The following GABRG2 variants were observed in gnomAD, a reference collection of about 807,000 sequenced individuals.
The protein encoded by GABRG2 is gamma-aminobutyric acid receptor subunit gamma-2.
Under a neutral mutation model 56.4 loss-of-function variants are expected in GABRG2, and 16 were observed. The ratio of observed to expected loss-of-function variants is 0.28; its 90% CI spans 0.19 to 0.43. The LOEUF (loss-of-function observed/expected upper bound fraction) is 0.43, where lower values mean the gene tolerates loss of function less well. Ranked by LOEUF, GABRG2 falls within the 20% of genes least tolerant of loss-of-function variation. GABRG2 has a pLI of 1.00. For missense variants in GABRG2, 327 were observed against 582.7 expected (o/e 0.56, Z 4.52); for synonymous variants, 208 against 205.5 (o/e 1.01, Z -0.10).
intron 1 of GABRG2, among the ~76,000 whole-genome samples, chr5:162,093,561 C>T (rs1760772771): frequency 6.6e-6 from 1 of 152,098 alleles, no homozygotes; most frequent in South Asian, 2.1e-4. Context: ...GCAGAAAGAA[C>T]ATCAAATATG....
At chr5:162,145,725 C>T (rs1376253477) in intron 7 of GABRG2, among the ~76,000 whole-genome samples, 1 of 152,156 alleles carries the variant, frequency 6.6e-6, no homozygotes, top group Non-Finnish European at 1.5e-5. Flanking sequence ...TCACATGCCA[C>T]ATTTTAAAAA....
At chr5:162,132,848 T>C (rs1645057677) in intron 6 of GABRG2, among the ~76,000 whole-genome samples, 1 of 152,080 alleles carries the variant, frequency 6.6e-6, no homozygotes, top group African/African-American at 2.4e-5. Flanking sequence ...AAATTAGATC[T>C]GTTAGTGTCA....
chr5:162,080,792 T>A (rs1182990298), intron 1 of GABRG2, among the ~76,000 whole-genome samples: 5 of 152,166 alleles, frequency 3.3e-5, no homozygotes, highest in Non-Finnish European at 7.3e-5. Context: ...TTGTTCTACA[T>A]CCTACTGCAA....
intron 6 of GABRG2, among the ~76,000 whole-genome samples, chr5:162,112,834 G>A (rs1762345926): frequency 1.3e-5 from 2 of 152,086 alleles, no homozygotes; most frequent in African/African-American, 4.8e-5. Flanking sequence ...TCTAATTTTA[G>A]TAGTACATCC....
chr5:162,096,916 A>G (rs1761038899), intron 3 of GABRG2, among the ~76,000 whole-genome samples: 1 of 152,172 alleles, frequency 6.6e-6, no homozygotes, highest in African/African-American at 2.4e-5. Context: ...AGAGAAAAGA[A>G]CAAGTAAATA....
At chr5:162,090,584 G>A (rs1581334278) in intron 1 of GABRG2, among the ~76,000 whole-genome samples, 1 of 152,032 alleles carries the variant, frequency 6.6e-6, no homozygotes, top group Non-Finnish European at 1.5e-5. Flanking sequence ...TTACAAAGAC[G>A]AAAACTTCAC....
intron 7 of GABRG2, among the ~76,000 whole-genome samples, chr5:162,145,835 C>T (rs750554231): frequency 6.6e-6 from 1 of 152,048 alleles, no homozygotes; most frequent in Non-Finnish European, 1.5e-5. Flanking sequence ...GGCCACAGTG[C>T]CAATTTAGTT....
At chr5:162,138,236 T>G (rs1764285817) in intron 6 of GABRG2, among the ~76,000 whole-genome samples, 2 of 152,328 alleles carry the variant, frequency 1.3e-5, no homozygotes, top group South Asian at 4.1e-4. Flanking sequence ...ATTTGGATCT[T>G]TGTTCCATCT....
intron 6 of GABRG2, among the ~76,000 whole-genome samples, chr5:162,131,421 A>T (rs1763749150): frequency 6.6e-6 from 1 of 152,016 alleles, no homozygotes; most frequent in South Asian, 2.1e-4. Flanking sequence ...TATGAAACCA[A>T]TGTTCAATGA....
chr5:162,095,567 G>T lies in GABRG2; in HGVS notation c.327+5G>T. On this transcript the variant is annotated splice_donor_5th_base_variant and intron_variant, in intron 3 of 9. Transcript: ENST00000639213. ...CCAGTGAACGCTATCAATATGGTGA[G>T]TTTCCAAATAAAATTCTTTGTCTGT... 6.3e-7 allele frequency: 1 copy of T among 1,582,126 alleles called. No homozygotes were observed. The highest frequency in any genetic ancestry group is 1.1e-5 in the South Asian group (1 of 90,106).
At chr5:162,136,716 T>G (rs1484493992) in intron 6 of GABRG2, among the ~76,000 whole-genome samples, 1 of 152,204 alleles carries the variant, frequency 6.6e-6, no homozygotes, top group African/African-American at 2.4e-5. Flanking sequence ...GATGCCAGGT[T>G]TAGAAGCCTG....
chr5:162,136,658 A>G (rs1666030704), intron 6 of GABRG2, among the ~76,000 whole-genome samples: 1 of 152,178 alleles, frequency 6.6e-6, no homozygotes, highest in Non-Finnish European at 1.5e-5. Flanking sequence ...CACAAATAGA[A>G]TAATAAGAGA....
At chr5:162,085,156 T>G (rs1384892050) in intron 1 of GABRG2, among the ~76,000 whole-genome samples, 1 of 151,964 alleles carries the variant, frequency 6.6e-6, no homozygotes, top group Non-Finnish European at 1.5e-5. Flanking sequence ...TTTCATTATA[T>G]GCATATGCCA....
chr5:162,078,108 C>G (rs1430798623), intron 1 of GABRG2, among the ~76,000 whole-genome samples: 4 of 151,884 alleles, frequency 2.6e-5, no homozygotes, highest in African/African-American at 9.7e-5. Flanking sequence ...TAGGAAGTAG[C>G]TTCTGCTACT....
chr5:162,145,811 G>A (rs956987477), intron 7 of GABRG2, among the ~76,000 whole-genome samples: 3 of 152,158 alleles, frequency 2.0e-5, no homozygotes, highest in Non-Finnish European at 4.4e-5. Context: ...CCTCAGGCCT[G>A]ATTGTAAAAT....
chr5:162,102,288 T>C (rs2113359143), intron 5 of GABRG2: 1 of 243,442 alleles, frequency 4.1e-6, no homozygotes, highest in East Asian at 9.5e-5. Flanking sequence ...AATTATAAAG[T>C]TAAAGCTTCC....
chr5:162,076,335 C>T (rs60873463), intron 1 of GABRG2, among the ~76,000 whole-genome samples: 8,896 of 152,160 alleles, frequency 0.058, 323 homozygotes, highest in Middle Eastern at 0.071. Flanking sequence ...AGTACGCTCC[C>T]CATCCCTGCT....
At chr5:162,106,689 G>A (rs916788125) in intron 6 of GABRG2, among the ~76,000 whole-genome samples, 1 of 152,088 alleles carries the variant, frequency 6.6e-6, no homozygotes, top group African/African-American at 2.4e-5. Flanking sequence ...AACTGGGGGA[G>A]AATATTGCCA....
At chr5:162,073,011 A>G (rs1310976031) in intron 1 of GABRG2, among the ~76,000 whole-genome samples, 2 of 151,916 alleles carry the variant, frequency 1.3e-5, no homozygotes, top group African/African-American at 4.8e-5. Context: ...CTAGAAGTGT[A>G]ACAGGTAGAC....
Sources: allele counts gnomAD v4.1 joint callset (sites outside exome capture counted in the v4.1 genomes callset), GRCh38; gene constraint gnomAD v4.1.1; transcripts MANE v1.5; gene names NCBI Gene and HGNC (gene_info 2026-07-23, HGNC 2026-07-21).